The following FADS6 variants were observed in gnomAD, a reference collection of about 807,000 sequenced individuals.
The protein encoded by FADS6 is fatty acid desaturase 6.
In FADS6, 28 loss-of-function variants were observed where a neutral mutation model predicts 31.7. The observed-to-expected ratio is 0.88, with a 90% CI of 0.66 to 1.21. The LOEUF (loss-of-function observed/expected upper bound fraction) is 1.21. FADS6 is among the 50% of genes most tolerant of loss of function. The pLI, the probability that FADS6 is intolerant of heterozygous loss-of-function variation, is 0.00. For missense variants in FADS6, 494 were observed against 504.2 expected, an observed-to-expected ratio of 0.98 and a Z score of 0.19; for synonymous variants, 191 against 213.1, an observed-to-expected ratio of 0.90 and a Z score of 0.90.
chr17:74,878,189 C>T lies in FADS6; in HGVS notation c.*142G>A. On this transcript the variant is annotated 3_prime_UTR_variant, in exon 6 of 6. Coordinates refer to ENST00000612771, the MANE Select transcript of FADS6 (RefSeq NM_178128.6). ...GTGGCCCCCAGACCCCAGGCCTGAG[C>T]TCCCCTGCCCCCCTGCCTGGCCGGT... The T allele has an allele frequency of 7.0e-7, 1 of 1,433,038 alleles. No homozygotes were observed. Among genetic ancestry groups the T allele is most frequent in the Non-Finnish European group, 9.1e-7 (1 of 1,098,050 alleles). 88.8% of individuals were successfully genotyped at this position (1,433,038 alleles called of 1,614,324 possible).
At chr17:74,888,156 G>A (rs1290384460) in intron 2 of FADS6, among the ~76,000 whole-genome samples, 2,177 of 78,596 alleles carry the variant, frequency 0.028, 51 homozygotes, top group African/African-American at 0.15. Flanking sequence ...ACACACACAC[G>A]CGCGCGCGCG....
Position 74,879,533 on chromosome 17 carries a change from G to A in FADS6, c.831C>T (p.His277=). ...FSRDNKPRRI[H]MMSLGVLNLA... is the part of the protein sequence containing the mutation. ...GGTTAAGCACCCCCAGGCTCATCAT[G>A]TGAATCCGACGGGGCTTGTTGTCCC... The change falls in exon 5 of 6, where the codon CAC becomes CAT. Residue 277 remains histidine (H), a synonymous_variant. Transcript: ENST00000612771. 6.2e-7 allele frequency: 1 copy of A among 1,613,712 alleles called. No individual in the cohort carries two copies. The highest frequency in any genetic ancestry group is 8.5e-7 in the Non-Finnish European group (1 of 1,179,870).
At position 74,878,154 on chromosome 17, in the gene FADS6, C is replaced by G; in HGVS notation, c.*177G>C. On this transcript the variant is annotated 3_prime_UTR_variant, in exon 6 of 6. Transcript: ENST00000612771. ...ACACCCCTCAAAACCCAGAAAAGCACGCAAGGCAGGTGGCCCCCAGACCCC... is the reference window on the plus strand; with the variant it reads ...ACACCCCTCAAAACCCAGAAAAGCAGGCAAGGCAGGTGGCCCCCAGACCCC... The G allele has an allele frequency of 1.4e-6, 2 of 1,423,024 alleles. No individual in the cohort carries two copies. Among genetic ancestry groups the G allele is most frequent in the Non-Finnish European group, 1.8e-6 (2 of 1,093,614 alleles). The allele number at this position is 1,423,024 out of a possible 1,614,324, so 88.1% of individuals were successfully genotyped here.
chr17:74,878,533 C>T, intron 5 of FADS6, 56 bp from the exon 6 acceptor site: 1 of 1,592,996 alleles, frequency 6.3e-7, no homozygotes, highest in Non-Finnish European at 8.6e-7. Flanking sequence ...GCAGGCCCAT[C>T]ATCCCGTCAG....
rs1380278870 is a variant in FADS6, at chr17:74,885,315, TA to T, written c.412-2606del. 5.9e-5 allele frequency among the ~76,000 whole-genome samples: 4 copies of T among 67,762 alleles called. No individual in the cohort carries two copies. In the Admixed American group the frequency reaches 6.6e-4, roughly 11 times the overall value. 44.5% of individuals were successfully genotyped at this position (67,762 alleles called of 152,430 possible). A position where few individuals can be genotyped will look rare whatever the true frequency, so the allele number is the denominator to read the frequency against. ...TTAAGAAAACCACAAAAAAAAAAAA[TA>T]AATAAATAAATATTACATTTCATCC... On this transcript the variant is annotated intron_variant, in intron 2 of 5. Transcript: ENST00000612771.
chr17:74,881,236 C>A lies in FADS6; in HGVS notation c.612G>T (p.Glu204Asp). 6.3e-7 allele frequency: 1 copy of A among 1,599,436 alleles called. No individual in the cohort carries two copies. Among genetic ancestry groups the A allele is most frequent in the Non-Finnish European group, 8.5e-7 (1 of 1,173,542 alleles). Residue 204 changes from glutamate (E) to aspartate (D), a missense_variant, in exon 4 of 6, where the codon GAG (glutamate) becomes GAT (aspartate). Glu to Asp is a conservative substitution (Grantham distance 45). This residue lies in a region of FADS6 where 454 missense variants were observed against 438.5 expected (regional missense o/e 1.04). Coordinates refer to ENST00000612771, the MANE Select transcript of FADS6 (RefSeq NM_178128.6). ...LVAVERLRKV[E>D]LGTALRTLAL... Reference sequence around the variant, plus strand: ...CCAGCGTCCGCAGGGCTGTCCCGAGCTCCACCTTCCTCAGCCGCTCTGCCA... The same window carrying A: ...CCAGCGTCCGCAGGGCTGTCCCGAGATCCACCTTCCTCAGCCGCTCTGCCA...
At chr17:74,892,437 C>T (rs2038698427) in intron 2 of FADS6, 86 bp downstream of exon 2, 1 of 1,493,026 alleles carries the variant, frequency 6.7e-7, no homozygotes, top group Admixed American at 2.1e-5. Context: ...ACATGCACAG[C>T]TGGACACACC....
intron 2 of FADS6, among the ~76,000 whole-genome samples, chr17:74,888,154 A>ACGCGCGCG (rs67402175): frequency 7.4e-6 from 1 of 134,712 alleles, no homozygotes. Context: ...ACACACACAC[A>ACGCGCGCG]CGCGCGCGCG....
rs370030076 is a variant in FADS6, at chr17:74,893,206, C to T, written c.244+146G>A. The T allele has an allele frequency of 1.7e-4, 159 of 948,366 alleles. 2 individuals carry two copies. In the African/African-American group the frequency reaches 2.1e-3, roughly 13 times the overall value. The allele number at this position is 948,366 out of a possible 1,614,324, so 58.7% of individuals were successfully genotyped here. A position where few individuals can be genotyped will look rare whatever the true frequency, so the allele number is the denominator to read the frequency against. On this transcript the variant is annotated intron_variant, in intron 1 of 5. Coordinates refer to ENST00000612771, the MANE Select transcript of FADS6 (RefSeq NM_178128.6). ...CCCTCCATCCTTGGGTGCGGGGCCCCGACCACCTCCGCCTCCCTGCCGCCG... is the reference window on the plus strand; with the variant it reads ...CCCTCCATCCTTGGGTGCGGGGCCCTGACCACCTCCGCCTCCCTGCCGCCG...
At position 74,878,454 on chromosome 17, in the gene FADS6, G is replaced by A. The variant is rs749160155; in HGVS notation, c.984C>T (p.Phe328=). 2.5e-5 allele frequency: 41 copies of A among 1,613,918 alleles called. No homozygotes were observed. Among genetic ancestry groups the A allele is most frequent in the Non-Finnish European group, 3.1e-5 (37 of 1,179,900 alleles). The change falls in exon 6 of 6, where the codon TTC becomes TTT. Residue 328 remains phenylalanine (F), a synonymous_variant. Coordinates refer to ENST00000612771, the MANE Select transcript of FADS6 (RefSeq NM_178128.6). ...TGTACGGTAGCTGCTTCTCACGTAG[G>A]AACTGGGACACCACGGGCTTCACCT... is the stretch of plus-strand genomic sequence containing the variant. ...CLKVKPVVSQ[F]LREKQLPYNE...
At chr17:74,881,322 G>C in intron 3 of FADS6, 67 bp from the exon 4 acceptor site, 12 of 1,453,034 alleles carry the variant, frequency 8.3e-6, no homozygotes, top group Non-Finnish European at 1.1e-5. Flanking sequence ...TGGCTCAAGC[G>C]TGCTAAAGCA....
chr17:74,881,214 G>A lies in FADS6; in HGVS notation c.634C>T (p.Leu212=). ...KVELGTALRT[L]ALISLGLYSH... ...TAAAGGCCCAGAGAAATCAGGGCCA[G>A]CGTCCGCAGGGCTGTCCCGAGCTCC... The change falls in exon 4 of 6, where the codon CTG becomes TTG. Residue 212 remains leucine, a synonymous_variant. Transcript: ENST00000612771. 6.2e-7 allele frequency: 1 copy of A among 1,608,796 alleles called. No individual in the cohort carries two copies. The highest frequency in any genetic ancestry group is 8.5e-7 in the Non-Finnish European group (1 of 1,177,634).
intron 4 of FADS6, among the ~76,000 whole-genome samples, chr17:74,880,346 T>TTAC (rs966836525): frequency 6.6e-6 from 1 of 151,950 alleles, no homozygotes; most frequent in African/African-American, 2.4e-5. Flanking sequence ...GCTCACTTCA[T>TTAC]TATTATTATT....
At chr17:74,875,488 T>C (rs2038501981), downstream of FADS6, among the ~76,000 whole-genome samples, 1 of 152,180 alleles carries the variant, frequency 6.6e-6, no homozygotes, top group African/African-American at 2.4e-5. Context: ...AAATGGAGCC[T>C]CAAAGCAATC....
intron 4 of FADS6, among the ~76,000 whole-genome samples, chr17:74,880,585 C>A (rs182874208): frequency 2.6e-5 from 4 of 152,178 alleles, no homozygotes; most frequent in African/African-American, 9.6e-5. Context: ...CTCAGGTGAT[C>A]CACCCACCTC....
downstream of FADS6, among the ~76,000 whole-genome samples, chr17:74,877,031 C>T (rs907289172): frequency 2.0e-5 from 3 of 152,072 alleles, no homozygotes; most frequent in African/African-American, 7.2e-5. Context: ...TTGGTAGTTC[C>T]CTTATATTCC....
chr17:74,877,295 TTTA>T (rs2038515514), downstream of FADS6: 1 of 147,216 alleles, frequency 6.8e-6, no homozygotes, highest in African/African-American at 2.7e-5. Flanking sequence ...TTCAAAGTTA[TTTA>T]TTCTTTTTTT....
chr17:74,883,554 C>T (rs1664701173), intron 2 of FADS6, among the ~76,000 whole-genome samples: 1 of 152,232 alleles, frequency 6.6e-6, no homozygotes, highest in African/African-American at 2.4e-5. Context: ...CTCACTGCAC[C>T]AGGCTCAGCG....
chr17:74,882,859 T>G, intron 2 of FADS6, 149 bp from the exon 3 acceptor site: 6 of 1,509,070 alleles, frequency 4.0e-6, no homozygotes, highest in Non-Finnish European at 5.3e-6. Context: ...TAATCCGCTT[T>G]GACCATCAAC....
Sources: allele counts gnomAD v4.1 joint callset (sites outside exome capture counted in the v4.1 genomes callset), GRCh38; gene constraint gnomAD v4.1.1; regional missense constraint gnomAD v4.1.1; transcripts MANE v1.5; gene names NCBI Gene and HGNC (gene_info 2026-07-23, HGNC 2026-07-21).